Variants in PRKG1 observed in about 807,000 individuals in gnomAD.
PRKG1 encodes the protein protein kinase cGMP-dependent 1.
Under a neutral mutation model 88.1 loss-of-function variants are expected in PRKG1, and 35 were observed. The observed-to-expected ratio is 0.40, with a 90% CI of 0.30 to 0.53. PRKG1 has a LOEUF of 0.53. PRKG1 is among the 20% of genes least tolerant of loss of function. The pLI is 0.59. For synonymous variants in PRKG1, 303 were observed against 292.5 expected, an observed-to-expected ratio of 1.04 and a Z score of -0.37; for missense variants, 540 against 839.8, an observed-to-expected ratio of 0.64 and a Z score of 4.41.
At chr10:51,426,727 T>C (rs1253975292) in intron 2 of PRKG1, among the ~76,000 whole-genome samples, 4 of 152,178 alleles carry the variant, frequency 2.6e-5, no homozygotes, top group Admixed American at 2.6e-4. Flanking sequence ...TACAGAAGTA[T>C]TCATATGCAT....
intron 3 of PRKG1, among the ~76,000 whole-genome samples, chr10:51,550,631 A>C (rs1346795358): frequency 1.3e-5 from 2 of 152,010 alleles, no homozygotes; most frequent in African/African-American, 2.4e-5. Flanking sequence ...ATAGATTCTC[A>C]TCAAATTAGT....
At chr10:51,072,482 A>G (rs1016167861), upstream of PRKG1, among the ~76,000 whole-genome samples, 61 of 152,268 alleles carry the variant, frequency 4.0e-4, no homozygotes, top group African/African-American at 1.4e-3. Context: ...ACAGTGAGTT[A>G]TACAAAGTCA....
intron 3 of PRKG1, among the ~76,000 whole-genome samples, chr10:51,578,388 T>A (rs949374750): frequency 6.6e-6 from 1 of 152,156 alleles, no homozygotes; most frequent in Non-Finnish European, 1.5e-5. Context: ...TTTTTCCTTG[T>A]CATTTTCTGT....
intron 3 of PRKG1, among the ~76,000 whole-genome samples, chr10:51,513,432 A>T (rs1287991031): frequency 3.7e-5 from 4 of 106,868 alleles, no homozygotes; most frequent in African/African-American, 1.3e-4. Context: ...CATTAGACAG[A>T]TCAACGAGAC....
chr10:51,075,724 C>G (rs1843933256), intron 1 of PRKG1, among the ~76,000 whole-genome samples: 1 of 152,146 alleles, frequency 6.6e-6, no homozygotes, highest in Non-Finnish European at 1.5e-5. Context: ...TCTAATGCAA[C>G]CACTCTGGCA....
chr10:51,511,229 T>C (rs1206347529), intron 3 of PRKG1, among the ~76,000 whole-genome samples: 1 of 152,086 alleles, frequency 6.6e-6, no homozygotes, highest in East Asian at 1.9e-4. Context: ...TTGCGGGGGA[T>C]CAGGCCTGAA....
At chr10:51,458,150 A>G (rs1839640582) in intron 2 of PRKG1, among the ~76,000 whole-genome samples, 1 of 152,314 alleles carries the variant, frequency 6.6e-6, no homozygotes, top group South Asian at 2.1e-4. Flanking sequence ...GAAAAAATAC[A>G]TATATCACAT....
At chr10:52,167,385 C>T (rs1173350676) in intron 9 of PRKG1, among the ~76,000 whole-genome samples, 1 of 152,132 alleles carries the variant, frequency 6.6e-6, no homozygotes, top group Non-Finnish European at 1.5e-5. Context: ...CCATCAGGCC[C>T]AACCTCCAGC....
At chr10:52,035,699 G>A (rs1336462392) in intron 5 of PRKG1, among the ~76,000 whole-genome samples, 3 of 152,146 alleles carry the variant, frequency 2.0e-5, no homozygotes, top group South Asian at 2.1e-4. Flanking sequence ...CAAAGAGTGG[G>A]TACAGCTGAA....
chr10:52,051,817 G>A (rs566756882), intron 5 of PRKG1, among the ~76,000 whole-genome samples: 1 of 152,176 alleles, frequency 6.6e-6, no homozygotes, highest in Non-Finnish European at 1.5e-5. Context: ...AAGAGAAGTT[G>A]GGATGAGCAC....
At chr10:51,697,646 T>C in intron 3 of PRKG1, 1 of 1,574,512 alleles carries the variant, frequency 6.4e-7, no homozygotes, top group Non-Finnish European at 8.7e-7. Context: ...GCACCCATTC[T>C]CCATGCTACA....
intron 3 of PRKG1, among the ~76,000 whole-genome samples, chr10:51,722,228 C>CA (rs58364400): frequency 0.013 from 1,710 of 133,538 alleles, 17 homozygotes; most frequent in African/African-American, 0.033. Flanking sequence ...GACTCTATCT[C>CA]AAAAAAAAAA....
chr10:52,102,729 TCAGA>T (rs1172555565), intron 7 of PRKG1, among the ~76,000 whole-genome samples: 1 of 144,314 alleles, frequency 6.9e-6, no homozygotes, highest in Non-Finnish European at 1.6e-5. Flanking sequence ...GGAGCCAGTG[TCAGA>T]CAATGAGGAA....
chr10:51,876,117 T>G (rs1841293507), intron 4 of PRKG1, among the ~76,000 whole-genome samples: 1 of 152,166 alleles, frequency 6.6e-6, no homozygotes, highest in Non-Finnish European at 1.5e-5. Flanking sequence ...CTGTCTCTTT[T>G]CCTAAAGAGA....
intron 1 of PRKG1, among the ~76,000 whole-genome samples, chr10:51,148,965 A>G (rs1016695967): frequency 1.3e-5 from 2 of 152,078 alleles, no homozygotes; most frequent in African/African-American, 2.4e-5. Context: ...TCAAGGTCCT[A>G]TGAAACCCAT....
chr10:51,410,226 A>ATG (rs1160612910), intron 2 of PRKG1, among the ~76,000 whole-genome samples: 9 of 141,326 alleles, frequency 6.4e-5, no homozygotes, highest in African/African-American at 2.2e-4. Flanking sequence ...ACATATATAT[A>ATG]TGTGTGTGTG....
chr10:51,116,269 A>T (rs1335583976), intron 1 of PRKG1, among the ~76,000 whole-genome samples: 1 of 152,186 alleles, frequency 6.6e-6, no homozygotes. Flanking sequence ...AATTATTTCA[A>T]CCATGCATTT....
At chr10:51,631,778 G>A (rs1030302822) in intron 3 of PRKG1, among the ~76,000 whole-genome samples, 13 of 152,172 alleles carry the variant, frequency 8.5e-5, no homozygotes, top group East Asian at 3.9e-4. Flanking sequence ...GGTGGAGCTC[G>A]GGTGGTAATG....
rs202208785 is a variant in PRKG1, at chr10:52,063,315, G to A, written c.935+684G>A. ...TGGCATGGGATCTTTGTAAGGCTGC[G>A]GCCGAACCAGGCACACCACAAGCAG... On this transcript the variant is annotated intron_variant, in intron 7 of 17. Coordinates refer to ENST00000373980, the MANE Select transcript of PRKG1 (RefSeq NM_006258.4). Among the ~76,000 whole-genome samples the A allele has an allele frequency of 9.2e-5, 14 of 152,324 alleles. No homozygotes were observed. In the East Asian group the frequency reaches 1.9e-3, roughly 21 times the overall value.
Sources: allele counts gnomAD v4.1 joint callset (sites outside exome capture counted in the v4.1 genomes callset), GRCh38; gene constraint gnomAD v4.1.1; transcripts MANE v1.5; gene names NCBI Gene and HGNC (gene_info 2026-07-23, HGNC 2026-07-21).